SLC44A5: variants seen among roughly 807,000 people sequenced by gnomAD.
SLC44A5 encodes the protein solute carrier family 44 member 5, also known as choline transporter-like protein 5.
SLC44A5 carries 57 observed loss-of-function variants against 101.8 expected under a neutral mutation model. The ratio of observed to expected loss-of-function variants is 0.56; its 90% CI spans 0.45 to 0.70. The LOEUF is 0.70. Among genes scored for constraint, SLC44A5 ranks in the 30% least tolerant of loss-of-function variants. SLC44A5 has a pLI of 0.00. For synonymous variants in SLC44A5, 281 were observed against 290.9 expected, an observed-to-expected ratio of 0.97 and a Z score of 0.35; for missense variants, 737 against 853.1, an observed-to-expected ratio of 0.86 and a Z score of 1.70.
intron 1 of SLC44A5, among the ~76,000 whole-genome samples, chr1:75,578,625 G>A (rs1236090615): frequency 2.6e-5 from 4 of 152,182 alleles, no homozygotes; most frequent in African/African-American, 9.7e-5. Flanking sequence ...GTTGACAGGG[G>A]CTGTGGGGGC....
the SLC44A5 span, among the ~76,000 whole-genome samples, chr1:75,723,148 G>A: frequency 1.5e-4 from 23 of 152,266 alleles, no homozygotes; most frequent in Non-Finnish European, 2.1e-4. Context: ...AATGGAAACC[G>A]GACACGGTAG....
In SLC44A5 at chr1:75,453,840, T is replaced by C. The variant is rs1162708394; in HGVS notation, c.14-57219A>G. On this transcript the variant is annotated intron_variant, in intron 2 of 23. Transcript: ENST00000370859. ...CCTTGAAACACACATTCTCCCAAGATTGAATCAGGAAAAAATTGAAATCCT... is the reference window on the plus strand; with the variant it reads ...CCTTGAAACACACATTCTCCCAAGACTGAATCAGGAAAAAATTGAAATCCT... 2.6e-5 allele frequency among the ~76,000 whole-genome samples: 4 copies of C among 152,034 alleles called. No individual in the cohort carries two copies. The South Asian group carries it at 6.2e-4, about 24-fold the overall frequency.
rs1670039239 is a variant in SLC44A5, at chr1:75,520,130, A to G, written c.13+21305T>C. Among the ~76,000 whole-genome samples, 3 of 152,246 alleles carry G rather than the reference A, an allele frequency of 2.0e-5. No homozygotes were observed. In the South Asian group the frequency reaches 6.2e-4, roughly 31 times the overall value. On this transcript the variant is annotated intron_variant, in intron 2 of 23. Transcript: ENST00000370859. ...TGTTTTTGTCATCACACAATGTCCT[A>G]TAAATTGTGAGCACTAGGTTAAATG...
chr1:75,674,515 G>A, the SLC44A5 span, among the ~76,000 whole-genome samples: 195 of 152,284 alleles, frequency 1.3e-3, no homozygotes, highest in African/African-American at 4.6e-3. Context: ...GAGTAGCTGG[G>A]ATTACAGGCA....
the SLC44A5 span, among the ~76,000 whole-genome samples, chr1:75,675,367 G>A: frequency 1.3e-5 from 2 of 151,914 alleles, no homozygotes; most frequent in South Asian, 2.1e-4. Context: ...TATTCTCTTT[G>A]TAGCAATTGT....
the SLC44A5 span, among the ~76,000 whole-genome samples, chr1:75,708,508 G>A: frequency 6.7e-6 from 1 of 148,218 alleles, no homozygotes; most frequent in Non-Finnish European, 1.5e-5. Flanking sequence ...AACTGGATAA[G>A]TACACAGTGA....
chr1:75,290,432 T>C (rs994402295), intron 5 of SLC44A5, among the ~76,000 whole-genome samples: 10 of 152,058 alleles, frequency 6.6e-5, no homozygotes, highest in Non-Finnish European at 1.5e-4. Context: ...AACCCAGAGA[T>C]TGGCACCAAT....
At chr1:75,660,866 T>C in the SLC44A5 span, among the ~76,000 whole-genome samples, 1 of 152,126 alleles carries the variant, frequency 6.6e-6, no homozygotes, top group African/African-American at 2.4e-5. Flanking sequence ...AGAATTATTA[T>C]GGTTAAAATG....
the SLC44A5 span, among the ~76,000 whole-genome samples, chr1:75,701,068 T>C: frequency 1.3e-5 from 2 of 152,180 alleles, no homozygotes; most frequent in African/African-American, 4.8e-5. Context: ...AGCCAAATTC[T>C]ACCAGAGGTA....
intron 2 of SLC44A5, among the ~76,000 whole-genome samples, chr1:75,520,506 A>C (rs1429806756): frequency 6.6e-6 from 1 of 152,188 alleles, no homozygotes; most frequent in Non-Finnish European, 1.5e-5. Context: ...GCATGAACAG[A>C]AGGATGGACA....
intron 2 of SLC44A5, among the ~76,000 whole-genome samples, chr1:75,423,366 T>G (rs1392573677): frequency 6.6e-6 from 1 of 152,194 alleles, no homozygotes; most frequent in Non-Finnish European, 1.5e-5. Context: ...GAATCTTCTA[T>G]CAACTCAGCT....
At chr1:75,338,816 G>A (rs1190244922) in intron 4 of SLC44A5, among the ~76,000 whole-genome samples, 2 of 152,136 alleles carry the variant, frequency 1.3e-5, no homozygotes, top group Non-Finnish European at 2.9e-5. Context: ...ACGTGCAAAT[G>A]AGCATGCTGA....
intron 2 of SLC44A5, among the ~76,000 whole-genome samples, chr1:75,498,704 T>G (rs1668797065): frequency 6.6e-6 from 1 of 152,190 alleles, no homozygotes; most frequent in Admixed American, 6.5e-5. Context: ...AAAATCATGT[T>G]TTTTAAATCA....
the SLC44A5 span, among the ~76,000 whole-genome samples, chr1:75,649,664 A>G: frequency 6.6e-6 from 1 of 152,218 alleles, no homozygotes; most frequent in Non-Finnish European, 1.5e-5. Flanking sequence ...CAGTAAATAG[A>G]ATCAGGATCT....
At chr1:75,279,821 C>T (rs1414133713) in intron 5 of SLC44A5, among the ~76,000 whole-genome samples, 1 of 151,528 alleles carries the variant, frequency 6.6e-6, no homozygotes, top group Non-Finnish European at 1.5e-5. Flanking sequence ...TGGATAAGTC[C>T]TTTAGTGGTG....
chr1:75,611,784 C>T (rs1168559201), upstream of SLC44A5, among the ~76,000 whole-genome samples: 3 of 152,088 alleles, frequency 2.0e-5, no homozygotes, highest in African/African-American at 2.4e-5. Context: ...GGCAAAATCA[C>T]GAATTGGCTG....
chr1:75,515,534 C>G (rs1669784309), intron 2 of SLC44A5, among the ~76,000 whole-genome samples: 1 of 152,182 alleles, frequency 6.6e-6, no homozygotes, highest in Non-Finnish European at 1.5e-5. Flanking sequence ...AGATATTTTT[C>G]TTTCTGTGCC....
chr1:75,287,053 T>C (rs1221657268), intron 5 of SLC44A5, among the ~76,000 whole-genome samples: 1 of 152,154 alleles, frequency 6.6e-6, no homozygotes, highest in African/African-American at 2.4e-5. Flanking sequence ...CTTTTAGATT[T>C]CTCTTCTTCC....
chr1:75,328,326 C>T (rs533070194), intron 4 of SLC44A5, among the ~76,000 whole-genome samples: 2 of 152,220 alleles, frequency 1.3e-5, no homozygotes, highest in East Asian at 3.9e-4. Context: ...TCTTCTGACA[C>T]AGGTATGTTG....
Sources: gnomAD v4.1 joint callset for allele counts (sites outside exome capture counted in the v4.1 genomes callset) on GRCh38, gnomAD v4.1.1 for gene constraint, MANE v1.5 for transcripts, NCBI Gene and HGNC (gene_info 2026-07-23, HGNC 2026-07-21) for gene names.